The following ARHGAP32 variants were observed in gnomAD, a reference collection of about 807,000 sequenced individuals.
ARHGAP32 encodes rho GTPase-activating protein 32.
A neutral mutation model predicts 186.5 loss-of-function variants in ARHGAP32; 51 were observed. The ratio of observed to expected loss-of-function variants is 0.27; its 90% CI spans 0.22 to 0.35. The LOEUF (loss-of-function observed/expected upper bound fraction) is 0.35. Ranked by LOEUF, ARHGAP32 falls within the 10% of genes least tolerant of loss-of-function variation. ARHGAP32 has a pLI of 1.00. For synonymous variants in ARHGAP32, 950 were observed against 964.3 expected, an observed-to-expected ratio of 0.99 and a Z score of 0.27; for missense variants, 2,186 against 2,623.5, an observed-to-expected ratio of 0.83 and a Z score of 3.64.
intron 6 of ARHGAP32, among the ~76,000 whole-genome samples, chr11:129,078,643 C>T (rs920960027): frequency 1.3e-5 from 2 of 152,082 alleles, no homozygotes; most frequent in Admixed American, 6.5e-5. Flanking sequence ...CAGGCATACA[C>T]CACCACGCGT....
intron 11 of ARHGAP32, among the ~76,000 whole-genome samples, chr11:129,031,985 C>T (rs892348577): frequency 2.0e-5 from 3 of 152,180 alleles, no homozygotes; most frequent in South Asian, 2.1e-4. Context: ...GGAGGACCAC[C>T]TTTCCACTCC....
chr11:129,101,292 C>T (rs1286599935), intron 5 of ARHGAP32, among the ~76,000 whole-genome samples: 1 of 152,170 alleles, frequency 6.6e-6, no homozygotes, highest in Non-Finnish European at 1.5e-5. Context: ...CCTGAAAACT[C>T]AAAAAGCCAG....
At position 128,968,736 on chromosome 11, in the gene ARHGAP32, G is replaced by A. The variant is rs993254652; in HGVS notation, c.*171C>T. ...ACAAAGTCTATAGATGGAAGAGGGG[G>A]TAATGAAGCAGGGAAGGGGAAAAAG... On this transcript the variant is annotated 3_prime_UTR_variant, in exon 23 of 23. Coordinates refer to ENST00000682385, the MANE Select transcript of ARHGAP32 (RefSeq NM_001378024.1). The A allele has an allele frequency of 2.7e-5, 13 of 488,032 alleles. No individual in the cohort carries two copies. The highest frequency in any genetic ancestry group is 1.4e-4 in the African/African-American group (7 of 50,420). 30.2% of individuals were successfully genotyped at this position (488,032 alleles called of 1,614,324 possible).
chr11:129,139,727 T>C (rs550929080), intron 2 of ARHGAP32, among the ~76,000 whole-genome samples: 92 of 152,228 alleles, frequency 6.0e-4, no homozygotes, highest in Non-Finnish European at 1.2e-3. Context: ...TCCGCCATGA[T>C]TGTGAGGCCT....
chr11:129,276,632 G>A (rs1195932192), intron 1 of ARHGAP32, among the ~76,000 whole-genome samples: 2 of 152,168 alleles, frequency 1.3e-5, no homozygotes, highest in Admixed American at 1.3e-4. Context: ...TTAAATTTCT[G>A]TTACAACATT....
At chr11:129,006,993 C>T (rs1937809034) in intron 11 of ARHGAP32, among the ~76,000 whole-genome samples, 1 of 151,980 alleles carries the variant, frequency 6.6e-6, no homozygotes, top group Non-Finnish European at 1.5e-5. Flanking sequence ...AGAGGAGCCC[C>T]ATCCCATGGC....
chr11:129,065,083 C>A, intron 7 of ARHGAP32, 150 bp from the exon 8 acceptor site: 1 of 605,350 alleles, frequency 1.7e-6, no homozygotes. Flanking sequence ...ACCAGTAGCA[C>A]TATGGGCACT....
Position 128,972,541 on chromosome 11 carries a change from G to T in ARHGAP32, c.3965C>A (p.Pro1322His), listed in dbSNP as rs1286148539. Residue 1322 changes from proline to histidine, a missense_variant, in exon 22 of 23, where the codon CCT becomes CAT. This residue lies in a region of ARHGAP32 where 1,502 missense variants were observed against 1,570.0 expected (regional missense o/e 0.96). Coordinates refer to ENST00000682385, the MANE Select transcript of ARHGAP32 (RefSeq NM_001378024.1). ...RTHRTNRPLP[P>H]PPSQRSAEQP... ...CTCTGCAGATCTCTGGGAAGGCGGA[G>T]GGGGAAGGGGACGATTAGTTCTGTG... 2.6e-6 allele frequency: 4 copies of T among 1,567,384 alleles called. No individual in the cohort carries two copies. In the East Asian group the frequency reaches 9.0e-5, roughly 35 times the overall value.
chr11:129,110,531 A>C (rs941485135), intron 5 of ARHGAP32, among the ~76,000 whole-genome samples: 9 of 152,182 alleles, frequency 5.9e-5, no homozygotes, highest in African/African-American at 2.2e-4. Flanking sequence ...TGCTTTGTAC[A>C]GTATGGTCAT....
At chr11:128,994,683 A>G (rs1946151676) in intron 12 of ARHGAP32, among the ~76,000 whole-genome samples, 1 of 152,080 alleles carries the variant, frequency 6.6e-6, no homozygotes, top group Non-Finnish European at 1.5e-5. Context: ...TCAAAGACAA[A>G]CTACTAAATC....
At chr11:129,181,581 A>G (rs1490015466) in intron 1 of ARHGAP32, among the ~76,000 whole-genome samples, 5 of 152,184 alleles carry the variant, frequency 3.3e-5, no homozygotes, top group African/African-American at 4.8e-5. Flanking sequence ...TGTTCTGGTT[A>G]GCCTATGTGG....
At chr11:129,059,011 GTAAACATGTATGC>G (rs1170736251) in intron 10 of ARHGAP32, among the ~76,000 whole-genome samples, 1 of 152,204 alleles carries the variant, frequency 6.6e-6, no homozygotes, top group Non-Finnish European at 1.5e-5. Flanking sequence ...GTTCCCACCA[GTAAACATGTATGC>G]TTTGCAGTCC....
intron 1 of ARHGAP32, among the ~76,000 whole-genome samples, chr11:129,257,024 A>C: frequency 6.6e-6 from 1 of 152,178 alleles, no homozygotes; most frequent in East Asian, 1.9e-4. Flanking sequence ...AAATTTCTGC[A>C]TACATCTCAC....
In ARHGAP32 at chr11:129,204,622, T is replaced by C. The variant is rs1311941493; in HGVS notation, c.-4-40195A>G. 3.3e-5 allele frequency among the ~76,000 whole-genome samples: 5 copies of C among 152,204 alleles called. No individual in the cohort carries two copies. In the East Asian group the frequency reaches 9.6e-4, roughly 29 times the overall value. On this transcript the variant is annotated intron_variant, in intron 1 of 6. Coordinates refer to the ARHGAP32 transcript ENST00000525234. ...AGTTGGTTTGAGACTGAAGTAATTT[T>C]AGCAACTTGCTACTTATCTTATTCT...
At chr11:129,272,383 T>C (rs1008045067) in intron 1 of ARHGAP32, among the ~76,000 whole-genome samples, 2 of 152,112 alleles carry the variant, frequency 1.3e-5, no homozygotes, top group African/African-American at 4.8e-5. Flanking sequence ...ATATGCCCCA[T>C]CAGTGCATTA....
Position 128,974,912 on chromosome 11 carries a change from C to G in ARHGAP32, c.2285G>C (p.Cys762Ser). 3 of 1,614,182 alleles carry G rather than the reference C, an allele frequency of 1.9e-6. No homozygotes were observed. The highest frequency in any genetic ancestry group is 2.5e-6 in the Non-Finnish European group (3 of 1,180,018). ...SFNGEMLGNR[C>S]NSYDNLPHDN... Reference sequence around the variant, plus strand: ...ATGAGGCAGATTATCATAGGAGTTACAGCGGTTCCCCAGCATTTCTCCATT... The same window carrying G: ...ATGAGGCAGATTATCATAGGAGTTAGAGCGGTTCCCCAGCATTTCTCCATT... The change falls in exon 21 of 23, where the codon TGT becomes TCT. Residue 762 changes from cysteine (C) to serine (S), a missense_variant. Physicochemically the swap from Cys to Ser is moderately radical, Grantham distance 112. This residue lies in a region of ARHGAP32 where 263 missense variants were observed against 323.5 expected (regional missense o/e 0.81). Coordinates refer to ENST00000682385, the MANE Select transcript of ARHGAP32 (RefSeq NM_001378024.1).
At chr11:129,264,001 CAATT>C (rs1233691602) in intron 1 of ARHGAP32, among the ~76,000 whole-genome samples, 3 of 152,126 alleles carry the variant, frequency 2.0e-5, no homozygotes, top group East Asian at 1.9e-4. Flanking sequence ...CATCCACTGA[CAATT>C]AATGGATAAG....
chr11:129,178,161 G>A (rs1171701225), intron 1 of ARHGAP32, among the ~76,000 whole-genome samples: 1 of 151,716 alleles, frequency 6.6e-6, no homozygotes, highest in East Asian at 1.9e-4. Flanking sequence ...GACAAACAGA[G>A]AGCCAAATCA....
intron 1 of ARHGAP32, among the ~76,000 whole-genome samples, chr11:129,203,718 C>CAA (rs375747287): frequency 3.2e-3 from 258 of 81,578 alleles, no homozygotes; most frequent in African/African-American, 7.9e-3. Context: ...CTTGTCTCTA[C>CAA]AAAAAAAAAA....
Sources: allele counts gnomAD v4.1 joint callset (sites outside exome capture counted in the v4.1 genomes callset), GRCh38; gene constraint gnomAD v4.1.1; regional missense constraint gnomAD v4.1.1; transcripts MANE v1.5; gene names NCBI Gene and HGNC (gene_info 2026-07-23, HGNC 2026-07-21).